The following CENPI variants were observed in gnomAD, a reference collection of about 807,000 sequenced individuals.
The protein encoded by CENPI is FSH primary response 1.
Under a neutral mutation model 60.4 loss-of-function variants are expected in CENPI, and 4 were observed. The ratio of observed to expected loss-of-function variants is 0.07; its 90% CI spans 0.03 to 0.15. CENPI has a LOEUF of 0.15. CENPI is among the 10% of genes least tolerant of loss of function. The probability of loss-of-function intolerance (pLI) is 1.00; values close to 1 mark genes in which losing one functional copy is unlikely to be tolerated. For missense variants in CENPI, 444 were observed against 534.5 expected (o/e 0.83, Z 1.67); for synonymous variants, 157 against 189.4 (o/e 0.83, Z 1.40).
intron 15 of CENPI, among the ~76,000 whole-genome samples, chrX:101,140,065 T>C (rs1349899648): frequency 9.0e-6 from 1 of 111,477 alleles, no homozygotes; most frequent in Non-Finnish European, 1.9e-5. Context: ...CTCGATCTGC[T>C]GACCTTCTGA....
At chrX:101,123,451 T>C (rs749151915) in intron 8 of CENPI, among the ~76,000 whole-genome samples, 97 of 111,944 alleles carry the variant, frequency 8.7e-4, no homozygotes, top group African/African-American at 3.0e-3. Context: ...GGGTTGGTTC[T>C]CCCTCTACCG....
rs376301308 is a variant in CENPI at position 101,109,253 on chromosome X, A to T, written c.365-220A>T. The stretch of plus-strand genomic sequence containing the variant: ...GCTCCACCACGCCCAGCTAATTTTT[A>T]TATTTTTAGTAGAGATAGGGTTTCT... On this transcript the variant is annotated intron_variant, in intron 4 of 21. Coordinates refer to ENST00000682095, the MANE Select transcript of CENPI (RefSeq NM_001386188.2). Among the ~76,000 whole-genome samples the T allele has an allele frequency of 1.2e-4, 13 of 107,825 alleles. No homozygotes were observed. The East Asian group carries it at 2.3e-3, about 19-fold the overall frequency. 93.6% of individuals were successfully genotyped at this position (107,825 alleles called of 115,157 possible). A position where few individuals can be genotyped will look rare whatever the true frequency, so the allele number is the denominator to read the frequency against.
chrX:101,151,074 T>C (rs2090002656), intron 20 of CENPI, among the ~76,000 whole-genome samples: 1 of 111,825 alleles, frequency 8.9e-6, no homozygotes, highest in African/African-American at 3.3e-5. Context: ...AGGACTTTTC[T>C]TTGCTTCTCA....
chrX:101,143,661 A>G (rs1160974101), intron 16 of CENPI, among the ~76,000 whole-genome samples: 1 of 111,971 alleles, frequency 8.9e-6, no homozygotes, highest in Non-Finnish European at 1.9e-5. Context: ...CTCCCAAGTA[A>G]CGGATTACAG....
intron 18 of CENPI, among the ~76,000 whole-genome samples, chrX:101,147,456 C>A (rs2089972080): frequency 9.1e-6 from 1 of 109,838 alleles, no homozygotes; most frequent in African/African-American, 3.3e-5. Flanking sequence ...CATTGTTCAA[C>A]TCCCATTTAT....
At chrX:101,120,859 A>G in intron 8 of CENPI, 75 bp downstream of exon 8, 1 of 843,204 alleles carries the variant, frequency 1.2e-6, no homozygotes, top group Non-Finnish European at 1.7e-6. Flanking sequence ...GGAATACAAA[A>G]TCAAATAACT....
At chrX:101,144,155 T>A (rs1257476257) in intron 16 of CENPI, among the ~76,000 whole-genome samples, 6 of 101,887 alleles carry the variant, frequency 5.9e-5, no homozygotes, top group Admixed American at 3.2e-4. Context: ...TGGCATGATC[T>A]TGGCTCACTG....
At chrX:101,112,406 T>C (rs2089564675) in intron 6 of CENPI, among the ~76,000 whole-genome samples, 1 of 112,121 alleles carries the variant, frequency 8.9e-6, no homozygotes, top group Admixed American at 9.6e-5. Flanking sequence ...AAAAGATCCA[T>C]TTAAAATACA....
chrX:101,118,877 C>G (rs1190086276), intron 6 of CENPI, among the ~76,000 whole-genome samples: 1 of 111,650 alleles, frequency 9.0e-6, no homozygotes, highest in Non-Finnish European at 1.9e-5. Context: ...AACATGTATT[C>G]TTTCTTTTAA....
At chrX:101,127,322 A>G (rs2089746820) in intron 10 of CENPI, 56 bp downstream of exon 10, 4 of 1,065,735 alleles carry the variant, frequency 3.8e-6, no homozygotes, top group African/African-American at 1.9e-5. Flanking sequence ...AATCCAAATA[A>G]TAACCATTCA....
intron 6 of CENPI, 110 bp from the exon 7 acceptor site, chrX:101,120,292 C>T (rs895595944): frequency 2.5e-6 from 1 of 394,076 alleles, no homozygotes; most frequent in Non-Finnish European, 4.5e-6. Flanking sequence ...CAGTGAAGTC[C>T]TGAAGGTTTT....
chrX:101,159,034 G>C (rs759031128), intron 20 of CENPI, among the ~76,000 whole-genome samples: 128 of 111,829 alleles, frequency 1.1e-3, no homozygotes, highest in Non-Finnish European at 1.8e-3. Flanking sequence ...GTCTAGACAA[G>C]AGATATTGAC....
At chrX:101,110,586 A>G (rs2089543628) in intron 6 of CENPI, among the ~76,000 whole-genome samples, 1 of 112,509 alleles carries the variant, frequency 8.9e-6, no homozygotes, top group Non-Finnish European at 1.9e-5. Context: ...TGAATCACTC[A>G]TCTAACTGTA....
At chrX:101,169,849 C>CA (rs935479570), downstream of CENPI, among the ~76,000 whole-genome samples, 2 of 109,545 alleles carry the variant, frequency 1.8e-5, no homozygotes, top group Non-Finnish European at 3.8e-5. Context: ...TAATTTTTAA[C>CA]AAAAAAGTGA....
intron 4 of CENPI, among the ~76,000 whole-genome samples, chrX:101,107,041 ACAGAGT>A (rs1259873690): frequency 1.1e-5 from 1 of 93,152 alleles, no homozygotes; most frequent in Non-Finnish European, 2.1e-5. Flanking sequence ...AGCCTGGGTG[ACAGAGT>A]CAGACCCTGT....
chrX:101,102,718 C>T (rs2089435508), intron 4 of CENPI, among the ~76,000 whole-genome samples: 1 of 108,139 alleles, frequency 9.2e-6, no homozygotes, highest in Non-Finnish European at 1.9e-5. Context: ...CTTGCTCTGT[C>T]ACCCAGGCTG....
At chrX:101,099,074 G>GTC (rs1258163475) in intron 2 of CENPI, among the ~76,000 whole-genome samples, 3 of 105,645 alleles carry the variant, frequency 2.8e-5, no homozygotes, top group East Asian at 3.0e-4. Flanking sequence ...GTCTCTGTCT[G>GTC]TCTCTCTCTC....
At chrX:101,127,288 A>G (rs751623918) in intron 10 of CENPI, 22 bp downstream of exon 10, 1 of 1,139,696 alleles carries the variant, frequency 8.8e-7, no homozygotes, top group Non-Finnish European at 1.2e-6. Flanking sequence ...AAGCTCAAAC[A>G]ACTTGCATGG....
At chrX:101,139,990 A>T (rs1395220218) in intron 15 of CENPI, among the ~76,000 whole-genome samples, 1 of 109,695 alleles carries the variant, frequency 9.1e-6, no homozygotes, top group Non-Finnish European at 1.9e-5. Flanking sequence ...GCCCGCCACC[A>T]CGCCTGGCTA....
Sources: allele counts gnomAD v4.1 joint callset (sites outside exome capture counted in the v4.1 genomes callset), GRCh38; gene constraint gnomAD v4.1.1; transcripts MANE v1.5; gene names NCBI Gene and HGNC (gene_info 2026-07-23, HGNC 2026-07-21).